The following PRKG1 variants were observed in gnomAD, a reference collection of about 807,000 sequenced individuals.
PRKG1 encodes the protein cGMP-dependent protein kinase 1.
Under a neutral mutation model 88.1 loss-of-function variants are expected in PRKG1, and 35 were observed. That is an observed-to-expected ratio of 0.40 (90% CI 0.30 to 0.53). PRKG1 has a LOEUF of 0.53. Among genes scored for constraint, PRKG1 ranks in the 20% least tolerant of loss-of-function variants. The pLI is 0.59. For synonymous variants in PRKG1, 303 were observed against 292.5 expected (o/e 1.04, Z -0.37); for missense variants, 540 against 839.8 (o/e 0.64, Z 4.41).
At chr10:51,105,494 A>G (rs1844810741) in intron 1 of PRKG1, among the ~76,000 whole-genome samples, 1 of 152,194 alleles carries the variant, frequency 6.6e-6, no homozygotes, top group Non-Finnish European at 1.5e-5. Context: ...ACGAAGGGAG[A>G]AAAGAAGGTT....
intron 10 of PRKG1, among the ~76,000 whole-genome samples, chr10:52,262,471 A>G (rs1564536699): frequency 1.3e-5 from 2 of 152,044 alleles, no homozygotes; most frequent in Non-Finnish European, 2.9e-5. Flanking sequence ...AAGTTTCACC[A>G]TGTTGGCCAG....
intron 3 of PRKG1, among the ~76,000 whole-genome samples, chr10:51,796,163 C>A (rs1362861223): frequency 6.6e-6 from 1 of 151,878 alleles, no homozygotes; most frequent in Non-Finnish European, 1.5e-5. Context: ...TTGTTATATT[C>A]CAAGGAACAA....
intron 3 of PRKG1, among the ~76,000 whole-genome samples, chr10:51,749,995 G>A (rs1837679453): frequency 6.6e-6 from 1 of 150,582 alleles, no homozygotes; most frequent in Non-Finnish European, 1.5e-5. Flanking sequence ...GAGTGCAATG[G>A]CGTGATCTTG....
chr10:51,246,175 A>C (rs2132132700), intron 2 of PRKG1, among the ~76,000 whole-genome samples: 1 of 152,270 alleles, frequency 6.6e-6, no homozygotes, highest in Non-Finnish European at 1.5e-5. Flanking sequence ...TCTCTGACCC[A>C]GAAAGTTAAT....
chr10:51,456,683 C>G (rs293278), intron 2 of PRKG1, among the ~76,000 whole-genome samples: 2 of 151,952 alleles, frequency 1.3e-5, no homozygotes, highest in African/African-American at 4.8e-5. Context: ...ATATTCACAA[C>G]CTATGCTTCT....
rs1392578780 is a variant in PRKG1 at position 51,153,293 on chromosome 10, A to G, written c.441A>G (p.Lys147=). ...ATGGCAAGGACAGTTGCATCATCAA[A>G]GAAGGAGACGTGGGGTCACTGGTGT... ...VEYGKDSCII[K]EGDVGSLVYV... The change falls in exon 2 of 18, where the codon AAA becomes AAG. Residue 147 remains lysine (K), a synonymous_variant. Transcript: ENST00000373980. 1 of 1,612,160 alleles carries G rather than the reference A, an allele frequency of 6.2e-7. No individual in the cohort carries two copies. The highest frequency in any genetic ancestry group is 1.1e-5 in the South Asian group (1 of 90,980).
chr10:51,035,617 G>T (rs924702934), intron 1 of PRKG1, among the ~76,000 whole-genome samples: 1 of 152,094 alleles, frequency 6.6e-6, no homozygotes, highest in Non-Finnish European at 1.5e-5. Flanking sequence ...AGCACCTAGC[G>T]CAATCCTTTA....
At chr10:52,272,251 C>T (rs937894061) in intron 11 of PRKG1, 141 bp from the exon 12 acceptor site, 11 of 540,504 alleles carry the variant, frequency 2.0e-5, no homozygotes, top group African/African-American at 2.0e-4. Context: ...TTCTTTTCCC[C>T]ATGTGTGGGC....
chr10:52,095,846 G>A (rs1048770638), intron 7 of PRKG1, among the ~76,000 whole-genome samples: 1 of 152,166 alleles, frequency 6.6e-6, no homozygotes, highest in African/African-American at 2.4e-5. Flanking sequence ...TAGTGATCAG[G>A]TTTACTACGA....
intron 3 of PRKG1, among the ~76,000 whole-genome samples, chr10:51,665,028 CA>C (rs1266673143): frequency 2.0e-5 from 3 of 152,082 alleles, no homozygotes; most frequent in Non-Finnish European, 4.4e-5. Flanking sequence ...CCACTTTATT[CA>C]CAAACGTTCT....
intron 9 of PRKG1, among the ~76,000 whole-genome samples, chr10:52,172,521 A>C (rs1229546707): frequency 6.6e-6 from 1 of 152,228 alleles, no homozygotes. Context: ...AGCTTGATAT[A>C]TAAAGCCTAT....
chr10:52,178,001 T>C (rs1417163832), intron 9 of PRKG1, among the ~76,000 whole-genome samples: 1 of 151,664 alleles, frequency 6.6e-6, no homozygotes, highest in East Asian at 1.9e-4. Context: ...TATGTATTAC[T>C]ACTCTGATAT....
intron 4 of PRKG1, among the ~76,000 whole-genome samples, chr10:51,896,645 TAAA>T (rs10649150): frequency 7.4e-4 from 70 of 94,988 alleles, no homozygotes; most frequent in African/African-American, 1.9e-3. Context: ...CCCTGTCTCT[TAAA>T]AAAAAAAAAA....
At chr10:51,207,427 A>C (rs1363468670) in intron 2 of PRKG1, among the ~76,000 whole-genome samples, 2 of 152,196 alleles carry the variant, frequency 1.3e-5, no homozygotes, top group African/African-American at 2.4e-5. Flanking sequence ...CCCATCCTGC[A>C]CTGGCTCTGA....
chr10:52,138,990 T>G (rs1837501841), intron 8 of PRKG1, among the ~76,000 whole-genome samples: 1 of 152,008 alleles, frequency 6.6e-6, no homozygotes, highest in South Asian at 2.1e-4. Flanking sequence ...CTGAAGAGGA[T>G]TAGACACAGA....
In PRKG1 at chr10:52,198,815, T is replaced by C. The variant is rs561691272; in HGVS notation, c.1076+36852T>C. Among the ~76,000 whole-genome samples, 25 of 148,858 alleles carry C rather than the reference T, an allele frequency of 1.7e-4. No individual in the cohort carries two copies. In the East Asian group the frequency reaches 4.5e-3, roughly 27 times the overall value. ...TTTACCTTTCCTTTTGGGGTGTGAG[T>C]GTGTGTGTGTGTGTGTGTGCATGTG... On this transcript the variant is annotated intron_variant, in intron 9 of 17. Coordinates refer to ENST00000373980, the MANE Select transcript of PRKG1 (RefSeq NM_006258.4).
At chr10:51,464,825 A>G (rs1462748473) in intron 2 of PRKG1, among the ~76,000 whole-genome samples, 2 of 144,344 alleles carry the variant, frequency 1.4e-5, no homozygotes, top group Non-Finnish European at 3.0e-5. Flanking sequence ...CGGGAGGCGG[A>G]GCTTGCAGTG....
chr10:51,783,358 A>C (rs1453219117), intron 3 of PRKG1, among the ~76,000 whole-genome samples: 1 of 151,992 alleles, frequency 6.6e-6, no homozygotes, highest in African/African-American at 2.4e-5. Context: ...AGGTCACTGC[A>C]ACTTCCACCT....
At chr10:52,082,832 A>G (rs949550316) in intron 7 of PRKG1, among the ~76,000 whole-genome samples, 8 of 152,160 alleles carry the variant, frequency 5.3e-5, no homozygotes, top group Admixed American at 2.0e-4. Context: ...ATATTTTTAA[A>G]TAACCAATTT....
Sources: gnomAD v4.1 joint callset for allele counts (sites outside exome capture counted in the v4.1 genomes callset) on GRCh38, gnomAD v4.1.1 for gene constraint, MANE v1.5 for transcripts, NCBI Gene and HGNC (gene_info 2026-07-23, HGNC 2026-07-21) for gene names.